ANAPC11: variants seen among roughly 807,000 people sequenced by gnomAD.
ANAPC11 encodes anaphase-promoting complex subunit 11.
A neutral mutation model predicts 11.8 loss-of-function variants in ANAPC11; 5 were observed. That is an observed-to-expected ratio of 0.42 (90% CI 0.22 to 0.89). The LOEUF (loss-of-function observed/expected upper bound fraction) is 0.89, where lower values mean the gene tolerates loss of function less well. Ranked by LOEUF, ANAPC11 falls within the 40% of genes least tolerant of loss-of-function variation. The pLI is 0.28. For synonymous variants in ANAPC11, 45 were observed against 41.0 expected, an observed-to-expected ratio of 1.10 and a Z score of -0.38; for missense variants, 68 against 112.9, an observed-to-expected ratio of 0.60 and a Z score of 1.80.
Position 81,894,451 on chromosome 17 carries a change from G to A in ANAPC11, c.-11-16G>A. The A allele has an allele frequency of 6.5e-7, 1 of 1,541,670 alleles. No individual in the cohort carries two copies. Among genetic ancestry groups the A allele is most frequent in the Non-Finnish European group, 9.0e-7 (1 of 1,116,084 alleles). On this transcript the variant is annotated splice_polypyrimidine_tract_variant and intron_variant, in intron 2 of 3. Coordinates refer to ENST00000344877, the MANE Select transcript of ANAPC11 (RefSeq NM_001002248.3). ...CAGACTCAATTTAGCCAGTCGTCCT[G>A]TTCCCTCCGCCGCAGGCTCTGCTGC...
At chr17:81,891,501 C>T, upstream of ANAPC11, 1 of 1,286,950 alleles carries the variant, frequency 7.8e-7, no homozygotes, top group Non-Finnish European at 1.0e-6. Flanking sequence ...CCGGCCGCCT[C>T]GCTGGCTCCG....
chr17:81,891,209 G>T, upstream of ANAPC11: 1 of 889,800 alleles, frequency 1.1e-6, no homozygotes, highest in Non-Finnish European at 1.4e-6. Flanking sequence ...CCTCCGGGCG[G>T]CCGCTCCACC....
intron 3 of ANAPC11, chr17:81,894,875 G>A: frequency 3.0e-6 from 1 of 331,026 alleles, no homozygotes; most frequent in Non-Finnish European, 5.4e-6. Context: ...GTGCCACCAT[G>A]CTGGGCTAAT....
intron 2 of ANAPC11, 47 bp from the exon 3 acceptor site, chr17:81,894,420 G>T: frequency 3.4e-6 from 4 of 1,190,268 alleles, no homozygotes; most frequent in Non-Finnish European, 5.0e-6. Flanking sequence ...AAACGTTCTA[G>T]CTCTGCAGAC....
At chr17:81,896,721 G>A (rs1000631811) in intron 3 of ANAPC11, among the ~76,000 whole-genome samples, 21 of 151,198 alleles carry the variant, frequency 1.4e-4, no homozygotes, top group African/African-American at 4.4e-4. Flanking sequence ...CAAGCTGGAC[G>A]TGAACTCCTG....
At chr17:81,891,122 G>A (rs1037352249), upstream of ANAPC11, 4 of 636,196 alleles carry the variant, frequency 6.3e-6, no homozygotes, top group East Asian at 7.3e-5. Context: ...AAGGGTCTCA[G>A]CCTCCGGGAC....
At chr17:81,893,530 A>T (rs945986476) in intron 1 of ANAPC11, 22 bp from the exon 2 acceptor site, 2 of 151,720 alleles carry the variant, frequency 1.3e-5, no homozygotes, top group African/African-American at 4.8e-5. Context: ...ACCTGCGGCT[A>T]ATTTTTTTGT....
intron 3 of ANAPC11, chr17:81,899,118 TG>T: frequency 9.4e-7 from 1 of 1,064,194 alleles, no homozygotes; most frequent in Non-Finnish European, 1.3e-6. Context: ...GCCGTGGGGC[TG>T]GGGCTGGGAC....
At chr17:81,898,531 T>A (rs577093795) in intron 3 of ANAPC11, 1 of 152,264 alleles carries the variant, frequency 6.6e-6, no homozygotes, top group African/African-American at 2.4e-5. Flanking sequence ...TAAGTCATAG[T>A]GAGTCAGTGT....
At chr17:81,895,349 C>G (rs1031940850) in intron 3 of ANAPC11, among the ~76,000 whole-genome samples, 1 of 152,166 alleles carries the variant, frequency 6.6e-6, no homozygotes, top group Admixed American at 6.5e-5. Context: ...CCGTGCCCCC[C>G]CCAACATTTT....
upstream of ANAPC11, chr17:81,891,386 C>A: frequency 8.9e-7 from 1 of 1,122,762 alleles, no homozygotes; most frequent in Non-Finnish European, 1.1e-6. Flanking sequence ...CGATGGCCGG[C>A]CGGTTCCGGA....
intron 3 of ANAPC11, chr17:81,899,388 G>C (rs1039805780): frequency 2.5e-6 from 4 of 1,613,774 alleles, no homozygotes; most frequent in Non-Finnish European, 2.5e-6. Context: ...GATGTCTAGG[G>C]AAGAGTCTTC....
At chr17:81,897,810 T>C (rs1275796656) in intron 3 of ANAPC11, among the ~76,000 whole-genome samples, 1 of 152,152 alleles carries the variant, frequency 6.6e-6, no homozygotes, top group African/African-American at 2.4e-5. Flanking sequence ...TTAATTTTTT[T>C]TGTGGAAATG....
At chr17:81,892,630 C>A (rs982394695) in intron 1 of ANAPC11, among the ~76,000 whole-genome samples, 2 of 148,050 alleles carry the variant, frequency 1.4e-5, no homozygotes, top group Admixed American at 6.7e-5. Flanking sequence ...TCAAGCGAGT[C>A]TCCAGCGGCA....
chr17:81,900,327 C>A, downstream of ANAPC11: 1 of 545,778 alleles, frequency 1.8e-6, no homozygotes, highest in Non-Finnish European at 3.2e-6. Flanking sequence ...TGAAAACTCT[C>A]ATGAATAAAC....
rs1294239493 is a variant in ANAPC11 at position 81,899,157 on chromosome 17, TC to T, written c.110-761del. The T allele has an allele frequency of 4.0e-5, 55 of 1,386,022 alleles. 1 individual carries two copies. Among genetic ancestry groups the T allele is most frequent in the East Asian group, 3.4e-4 (14 of 41,554 alleles). 85.9% of individuals were successfully genotyped at this position (1,386,022 alleles called of 1,614,324 possible). On this transcript the variant is annotated intron_variant, in intron 3 of 3. Transcript: ENST00000344877. The stretch of plus-strand genomic sequence containing the variant: ...GCTGTGCTCTGTTGGCAGCAGCTGT[TC>T]CTCAGGGGTTTCCAGGCTCTTGGAG...
At chr17:81,890,881 C>T (rs540755234), upstream of ANAPC11, 18 of 1,609,480 alleles carry the variant, frequency 1.1e-5, no homozygotes, top group African/African-American at 1.2e-4. Flanking sequence ...TTTCCTGACC[C>T]TCACGGCTAC....
At chr17:81,894,684 A>T (rs969012337) in intron 3 of ANAPC11, 98 bp downstream of exon 3, 1 of 614,442 alleles carries the variant, frequency 1.6e-6, no homozygotes, top group Non-Finnish European at 2.7e-6. Flanking sequence ...GCTCCTGTTA[A>T]ATACCTGCAC....
chr17:81,896,882 A>G (rs1175403222), intron 3 of ANAPC11, among the ~76,000 whole-genome samples: 2 of 132,762 alleles, frequency 1.5e-5, no homozygotes, highest in African/African-American at 2.9e-5. Flanking sequence ...GCACCATCTC[A>G]GCTCACCGCA....
Sources: gnomAD v4.1 joint callset for allele counts (sites outside exome capture counted in the v4.1 genomes callset) on GRCh38, gnomAD v4.1.1 for gene constraint, MANE v1.5 for transcripts, NCBI Gene and HGNC (gene_info 2026-07-23, HGNC 2026-07-21) for gene names.